CTNNA3: variants seen among roughly 807,000 people sequenced by gnomAD.
The protein encoded by CTNNA3 is catenin alpha-3.
Under a neutral mutation model 95.7 loss-of-function variants are expected in CTNNA3, and 76 were observed. That is an observed-to-expected ratio of 0.79 (90% CI 0.66 to 0.96). CTNNA3 has a LOEUF of 0.96. Among genes scored for constraint, CTNNA3 ranks in the 40% least tolerant of loss-of-function variants. CTNNA3 has a pLI of 0.00. For synonymous variants in CTNNA3, 431 were observed against 374.4 expected (o/e 1.15, Z -1.74); for missense variants, 1,191 against 1,089.8 (o/e 1.09, Z -1.31).
chr10:67,518,212 C>T (rs907903600), intron 5 of CTNNA3, among the ~76,000 whole-genome samples: 1 of 152,096 alleles, frequency 6.6e-6, no homozygotes, highest in Non-Finnish European at 1.5e-5. Flanking sequence ...ATGAGTATAT[C>T]ATCAATCAAA....
At chr10:67,308,090 C>A (rs1840631518) in intron 5 of CTNNA3, among the ~76,000 whole-genome samples, 1 of 152,198 alleles carries the variant, frequency 6.6e-6, no homozygotes, top group Admixed American at 6.5e-5. Flanking sequence ...TTCTCCATGA[C>A]AGGAAATTGC....
In CTNNA3 at chr10:66,018,342, T is replaced by C. The variant is rs150766402; in HGVS notation, c.2160-29545A>G. Reference sequence around the variant, plus strand: ...TTTAGTTTTATTCAGTAAAGCATTGTACTACTTAACTTGTTTTTGAAGTTT... The same window carrying C: ...TTTAGTTTTATTCAGTAAAGCATTGCACTACTTAACTTGTTTTTGAAGTTT... On this transcript the variant is annotated intron_variant, in intron 15 of 17. Coordinates refer to ENST00000433211, the MANE Select transcript of CTNNA3 (RefSeq NM_013266.4). Among the ~76,000 whole-genome samples the C allele has an allele frequency of 4.3e-3, 654 of 152,238 alleles. 2 individuals are homozygous for C. Among genetic ancestry groups the C allele is most frequent in the African/African-American group, 0.015 (610 of 41,550 alleles).
intron 7 of CTNNA3, among the ~76,000 whole-genome samples, chr10:67,002,279 C>A (rs1469451059): frequency 1.3e-5 from 2 of 152,138 alleles, no homozygotes; most frequent in African/African-American, 2.4e-5. Flanking sequence ...ACTGCCCTCG[C>A]CTTTGCCAAA....
chr10:67,293,062 A>G (rs544635824), intron 5 of CTNNA3, among the ~76,000 whole-genome samples: 1 of 152,274 alleles, frequency 6.6e-6, no homozygotes, highest in East Asian at 1.9e-4. Flanking sequence ...AACCATCAGA[A>G]GTTCTCTAAA....
chr10:66,514,019 G>T (rs1250259935), intron 11 of CTNNA3, among the ~76,000 whole-genome samples: 2 of 152,196 alleles, frequency 1.3e-5, no homozygotes, highest in Non-Finnish European at 2.9e-5. Flanking sequence ...AGGGCAGGAT[G>T]TAGTCTGGTG....
intron 7 of CTNNA3, among the ~76,000 whole-genome samples, chr10:66,953,891 A>G (rs1182844757): frequency 6.6e-6 from 1 of 152,190 alleles, no homozygotes; most frequent in Non-Finnish European, 1.5e-5. Context: ...TAACCCACCC[A>G]TTCTGAACCT....
At chr10:67,632,783 C>T (rs1042822727) in intron 2 of CTNNA3, among the ~76,000 whole-genome samples, 3 of 152,102 alleles carry the variant, frequency 2.0e-5, no homozygotes, top group African/African-American at 7.2e-5. Flanking sequence ...CACACAGAGA[C>T]CCAGGAGTTT....
At chr10:66,648,763 C>T (rs2394265) in intron 9 of CTNNA3, among the ~76,000 whole-genome samples, 100,209 of 151,810 alleles carry the variant, frequency 0.66, 33,979 homozygotes, top group East Asian at 0.95. Flanking sequence ...GGCGTGGCAG[C>T]GGAATTAGAT....
Position 66,229,945 on chromosome 10 carries a change from G to C in CTNNA3, c.1884+50525C>G, listed in dbSNP as rs78974182. Among the ~76,000 whole-genome samples the C allele has an allele frequency of 8.7e-3, 1,300 of 150,020 alleles. 20 individuals are homozygous for C. Among genetic ancestry groups the C allele is most frequent in the African/African-American group, 0.03 (1,239 of 40,806 alleles). The stretch of plus-strand genomic sequence containing the variant: ...TTTCTTTTCTTTTCTCCTCTTTTTT[G>C]TCTCATTGGGTAATTTCTCTATTCA... On this transcript the variant is annotated intron_variant, in intron 13 of 17. Transcript: ENST00000433211.
chr10:67,601,138 T>C (rs1449753598), intron 3 of CTNNA3, among the ~76,000 whole-genome samples: 2 of 152,186 alleles, frequency 1.3e-5, no homozygotes, highest in East Asian at 1.9e-4. Flanking sequence ...AGATAATGTG[T>C]GCACTTTTCT....
intron 5 of CTNNA3, among the ~76,000 whole-genome samples, chr10:67,521,239 C>T (rs1260867298): frequency 6.6e-6 from 1 of 152,024 alleles, no homozygotes; most frequent in Non-Finnish European, 1.5e-5. Context: ...TTATAAAGTA[C>T]CAGTTCTAAA....
chr10:66,872,689 T>TAATAATA (rs1554868727), intron 7 of CTNNA3, among the ~76,000 whole-genome samples: 22 of 151,598 alleles, frequency 1.5e-4, no homozygotes, highest in South Asian at 2.1e-4. Flanking sequence ...ATAATAATAA[T>TAATAATA]AATAATTTCA....
upstream of CTNNA3, among the ~76,000 whole-genome samples, chr10:67,700,569 A>T (rs1049579078): frequency 8.5e-5 from 13 of 152,220 alleles, no homozygotes; most frequent in East Asian, 1.9e-4. Flanking sequence ...GAGGGTCCTG[A>T]ATGTTAGAAG....
chr10:66,492,101 C>T (rs956245902), intron 11 of CTNNA3, among the ~76,000 whole-genome samples: 1 of 152,106 alleles, frequency 6.6e-6, no homozygotes, highest in Non-Finnish European at 1.5e-5. Flanking sequence ...GTTACAAACT[C>T]CCATTTCCTA....
At chr10:67,584,247 G>T (rs969162648) in intron 3 of CTNNA3, among the ~76,000 whole-genome samples, 1 of 152,138 alleles carries the variant, frequency 6.6e-6, no homozygotes, top group African/African-American at 2.4e-5. Context: ...TGGGGTTTTG[G>T]TGTGGATGTC....
chr10:66,300,372 C>T (rs1220547608), intron 12 of CTNNA3, among the ~76,000 whole-genome samples: 1 of 151,946 alleles, frequency 6.6e-6, no homozygotes, highest in Non-Finnish European at 1.5e-5. Context: ...TTCTTTGATA[C>T]TTCTGGCACC....
At chr10:66,146,342 C>G (rs1468847395) in intron 13 of CTNNA3, among the ~76,000 whole-genome samples, 1 of 152,104 alleles carries the variant, frequency 6.6e-6, no homozygotes, top group African/African-American at 2.4e-5. Context: ...AGACCTGCCT[C>G]AGTAGAATAT....
At chr10:66,516,384 CT>C (rs1401515201) in intron 11 of CTNNA3, among the ~76,000 whole-genome samples, 1 of 152,098 alleles carries the variant, frequency 6.6e-6, no homozygotes, top group Non-Finnish European at 1.5e-5. Context: ...GGCCATTTCT[CT>C]TTTTTTACTA....
chr10:66,205,276 A>AT (rs1277131468), intron 13 of CTNNA3, among the ~76,000 whole-genome samples: 6 of 151,952 alleles, frequency 3.9e-5, no homozygotes, highest in East Asian at 3.9e-4. Context: ...GATGACACCC[A>AT]TTTTTTTAAA....
Sources: gnomAD v4.1 joint callset for allele counts (sites outside exome capture counted in the v4.1 genomes callset) on GRCh38, gnomAD v4.1.1 for gene constraint, MANE v1.5 for transcripts, NCBI Gene and HGNC (gene_info 2026-07-23, HGNC 2026-07-21) for gene names.